Variants in ITFG1 observed in about 807,000 individuals in gnomAD.
ITFG1 encodes integrin alpha FG-GAP repeat containing 1.
In ITFG1, 34 loss-of-function variants were observed where a neutral mutation model predicts 81.8. That is an observed-to-expected ratio of 0.42 (90% CI 0.32 to 0.55). The LOEUF (loss-of-function observed/expected upper bound fraction) is 0.55, where lower values mean the gene tolerates loss of function less well. Ranked by LOEUF, ITFG1 falls within the 20% of genes least tolerant of loss-of-function variation. ITFG1 has a pLI of 0.17. For missense variants in ITFG1, 672 were observed against 755.4 expected (o/e 0.89, Z 1.29); for synonymous variants, 285 against 270.6 (o/e 1.05, Z -0.52).
chr16:47,427,671 C>T (rs72800651), intron 6 of ITFG1, among the ~76,000 whole-genome samples: 7,480 of 146,928 alleles, frequency 0.051, 266 homozygotes, highest in Non-Finnish European at 0.072. Context: ...CATGTTAACT[C>T]CATTGGGATA....
intron 16 of ITFG1, among the ~76,000 whole-genome samples, chr16:47,161,336 CATTTTAGCCTACATCT>C (rs1964802285): frequency 1.3e-5 from 2 of 152,192 alleles, no homozygotes; most frequent in African/African-American, 4.8e-5. Flanking sequence ...GGAGCTGAAT[CATTTTAGCCTACATCT>C]ATTTAACTCC....
chr16:47,340,521 C>T (rs1484217496), intron 8 of ITFG1, among the ~76,000 whole-genome samples: 4 of 151,102 alleles, frequency 2.6e-5, no homozygotes, highest in Admixed American at 6.6e-5. Context: ...ACCACAAACA[C>T]GAAAATATAG....
chr16:47,405,944 G>A (rs1208706543), intron 6 of ITFG1, among the ~76,000 whole-genome samples: 1 of 152,172 alleles, frequency 6.6e-6, no homozygotes, highest in African/African-American at 2.4e-5. Context: ...GAATATTTCT[G>A]TGAAGTTTCT....
At chr16:47,444,587 T>C (rs1969298920) in intron 5 of ITFG1, among the ~76,000 whole-genome samples, 1 of 152,104 alleles carries the variant, frequency 6.6e-6, no homozygotes, top group South Asian at 2.1e-4. Flanking sequence ...ATTAACAGGA[T>C]ACAGAAAATA....
intron 8 of ITFG1, among the ~76,000 whole-genome samples, chr16:47,329,403 T>C (rs1567462645): frequency 1.3e-5 from 2 of 152,258 alleles, no homozygotes; most frequent in East Asian, 3.9e-4. Flanking sequence ...AGCAGTCCAC[T>C]TCCACTAAGG....
chr16:47,193,191 G>C (rs1291468298), intron 14 of ITFG1, among the ~76,000 whole-genome samples: 3 of 150,156 alleles, frequency 2.0e-5, no homozygotes, highest in African/African-American at 7.3e-5. Flanking sequence ...AAAATATTTT[G>C]TAAAATTTTA....
rs550718211 is a variant in ITFG1 at position 47,427,808 on chromosome 16, T to C, written c.655+996A>G. ...ACATGTCGGAGAAAATCTGGGCATT[T>C]TGAATAATGACTAGATATTCAATGA... On this transcript the variant is annotated intron_variant, in intron 6 of 17. Coordinates refer to ENST00000320640, the MANE Select transcript of ITFG1 (RefSeq NM_030790.5). Among the ~76,000 whole-genome samples the C allele has an allele frequency of 1.2e-4, 19 of 152,360 alleles. No individual in the cohort carries two copies. The South Asian group carries it at 1.7e-3, about 13-fold the overall frequency.
At chr16:47,277,904 C>T (rs1223494677) in intron 10 of ITFG1, among the ~76,000 whole-genome samples, 1 of 152,190 alleles carries the variant, frequency 6.6e-6, no homozygotes, top group Non-Finnish European at 1.5e-5. Context: ...GAGAGACAAG[C>T]TTATGTCCCA....
rs180691362 is a variant in ITFG1, at chr16:47,212,051, A to G, written c.1453+6817T>C. Among the ~76,000 whole-genome samples, 23 of 149,520 alleles carry G rather than the reference A, an allele frequency of 1.5e-4. No homozygotes were observed. The East Asian group carries it at 4.6e-3, about 30-fold the overall frequency. On this transcript the variant is annotated intron_variant, in intron 14 of 17. Transcript: ENST00000320640. ...GCTGGGATTGCAGGCATGGGCTACC[A>G]TGTTTGTCCCACTAATCATGATTTT...
chr16:47,428,610 AAAC>A (rs1422847330), intron 6 of ITFG1, among the ~76,000 whole-genome samples, 191 bp downstream of exon 6: 2 of 152,230 alleles, frequency 1.3e-5, no homozygotes, highest in East Asian at 1.9e-4. Context: ...TGAACAACAA[AAAC>A]AACAATAGCT....
intron 8 of ITFG1, among the ~76,000 whole-genome samples, chr16:47,347,049 T>C (rs772033632): frequency 6.6e-6 from 1 of 152,132 alleles, no homozygotes; most frequent in Non-Finnish European, 1.5e-5. Flanking sequence ...CATTAAAGAT[T>C]CACCACGATT....
In ITFG1 at chr16:47,279,919, T is replaced by C. The variant is rs533908272; in HGVS notation, c.1071-19224A>G. Among the ~76,000 whole-genome samples the C allele has an allele frequency of 6.2e-4, 95 of 152,294 alleles. No individual in the cohort carries two copies. The Middle Eastern group carries it at 0.014, about 22-fold the overall frequency. On this transcript the variant is annotated intron_variant, in intron 10 of 17. Transcript: ENST00000320640. ...ATTGATTTCTATTTCTAGTTGTTCA[T>C]TGCTAATATATAGAAATAAGAGTGA...
At chr16:47,269,912 TGC>T (rs1488545934) in intron 10 of ITFG1, among the ~76,000 whole-genome samples, 1 of 152,188 alleles carries the variant, frequency 6.6e-6, no homozygotes, top group Non-Finnish European at 1.5e-5. Flanking sequence ...AGTGTGGTAC[TGC>T]CACAAAGATG....
intron 8 of ITFG1, among the ~76,000 whole-genome samples, chr16:47,362,230 G>A (rs944664260): frequency 3.3e-5 from 5 of 152,102 alleles, no homozygotes; most frequent in Non-Finnish European, 5.9e-5. Context: ...TGTCTCCTGA[G>A]TGGTTTCCAC....
intron 13 of ITFG1, among the ~76,000 whole-genome samples, chr16:47,232,575 G>C (rs1275187185): frequency 6.6e-6 from 1 of 151,958 alleles, no homozygotes; most frequent in Non-Finnish European, 1.5e-5. Flanking sequence ...AAATAAAATT[G>C]GGCATATAAT....
chr16:47,219,006 A>C, intron 13 of ITFG1, 60 bp from the exon 14 acceptor site: 1 of 1,246,844 alleles, frequency 8.0e-7, no homozygotes, highest in Non-Finnish European at 1.1e-6. Flanking sequence ...TGGAAGTTTC[A>C]GGCAAATCTC....
intron 8 of ITFG1, among the ~76,000 whole-genome samples, chr16:47,329,109 A>C (rs1967603608): frequency 6.6e-6 from 1 of 152,214 alleles, no homozygotes; most frequent in Non-Finnish European, 1.5e-5. Flanking sequence ...ATGATGGTAA[A>C]GTAATATCAT....
At chr16:47,216,002 GAT>G (rs1158010647) in intron 14 of ITFG1, among the ~76,000 whole-genome samples, 2 of 151,954 alleles carry the variant, frequency 1.3e-5, no homozygotes, top group Admixed American at 1.3e-4. Context: ...GTAAATATTA[GAT>G]ATGATAAGAA....
intron 10 of ITFG1, chr16:47,262,614 G>C (rs1205941780): frequency 6.6e-6 from 1 of 152,184 alleles, no homozygotes; most frequent in African/African-American, 2.4e-5. Flanking sequence ...TATAAGTCTG[G>C]TCACAATTTC....
Sources: gnomAD v4.1 joint callset for allele counts (sites outside exome capture counted in the v4.1 genomes callset) on GRCh38, gnomAD v4.1.1 for gene constraint, MANE v1.5 for transcripts, NCBI Gene and HGNC (gene_info 2026-07-23, HGNC 2026-07-21) for gene names.